Variants in SETDB2 observed in about 807,000 individuals in gnomAD.
SETDB2 encodes the protein histone-lysine N-methyltransferase SETDB2.
SETDB2 carries 56 observed loss-of-function variants against 82.5 expected under a neutral mutation model. The observed-to-expected ratio is 0.68, with a 90% CI of 0.55 to 0.85. The LOEUF (loss-of-function observed/expected upper bound fraction) is 0.85. Ranked by LOEUF, SETDB2 falls within the 40% of genes least tolerant of loss-of-function variation. The probability of loss-of-function intolerance (pLI) is 0.00; values close to 1 mark genes in which losing one functional copy is unlikely to be tolerated. For missense variants in SETDB2, 677 were observed against 816.4 expected (o/e 0.83, Z 2.08); for synonymous variants, 272 against 284.9 (o/e 0.95, Z 0.46).
chr13:49,450,494 T>C (rs1957765853), intron 1 of SETDB2, among the ~76,000 whole-genome samples: 2 of 152,350 alleles, frequency 1.3e-5, no homozygotes, highest in East Asian at 3.8e-4. Context: ...GTCTCTTTCA[T>C]AGTGTAGCCT....
At chr13:49,460,271 A>C (rs1406758958) in intron 3 of SETDB2, 39 bp downstream of exon 3, 1 of 1,589,884 alleles carries the variant, frequency 6.3e-7, no homozygotes, top group Admixed American at 1.8e-5. Flanking sequence ...TTTAATACTA[A>C]ATATTTCTCT....
At position 49,490,884 on chromosome 13, in the gene SETDB2, T is replaced by C; in HGVS notation, c.1980T>C (p.Phe660=). The change falls in exon 13 of 14, where the codon TTT becomes TTC. Residue 660 remains phenylalanine (F), a synonymous_variant. Coordinates refer to ENST00000611815, the MANE Select transcript of SETDB2 (RefSeq NM_001160308.3). The part of the protein sequence containing the change: ...NVFVETHNRN[F]PLVAFFTNRY... ...TTGTAGAAACACACAACAGGAATTT[T>C]CCATTGGTGGCATTCTTCACCAACA... The C allele has an allele frequency of 6.2e-7, 1 of 1,613,456 alleles. No individual in the cohort carries two copies. Among genetic ancestry groups the C allele is most frequent in the Non-Finnish European group, 8.5e-7 (1 of 1,179,580 alleles).
At position 49,480,985 on chromosome 13, in the gene SETDB2, A is replaced by T; in HGVS notation, c.1025A>T (p.Gln342Leu). ...ECSLLCKCNR[Q>L]LCQNRVVQHG... ...AGCCTTTTGTGCAAATGTAATCGAC[A>T]ATTGTGTCAAAACCGAGTTGTCCAA... is the stretch of plus-strand genomic sequence containing the variant. The change falls in exon 8 of 14, where the codon CAA (glutamine) becomes CTA (leucine). Residue 342 changes from glutamine (Q) to leucine (L), a missense_variant. Physicochemically the swap from Gln to Leu is moderately radical, Grantham distance 113 (BLOSUM62 -2). Around this residue, in one of 3 missense-constraint regions of SETDB2, gnomAD observed 420 missense variants for 554.6 expected, o/e 0.76. Transcript: ENST00000611815. 1 of 1,614,168 alleles carries T rather than the reference A, an allele frequency of 6.2e-7. No homozygotes were observed. Among genetic ancestry groups the T allele is most frequent in the African/African-American group, 1.3e-5 (1 of 75,060 alleles).
rs7327389 is a variant in SETDB2 at position 49,493,306 on chromosome 13, T to C, written c.*1457T>C. 108,758 of 151,790 alleles carry C rather than the reference T, an allele frequency of 0.72. 39,094 individuals are homozygous for C. The highest frequency in any genetic ancestry group is 0.82 in the East Asian group (4,214 of 5,164). 9.4% of individuals were successfully genotyped at this position (151,790 alleles called of 1,614,324 possible). A position where few individuals can be genotyped will look rare whatever the true frequency, so the allele number is the denominator to read the frequency against. ...ATGGGGGAAAAAAGCTTGATCAGTA[T>C]GGGAACCATTTTTGTGCAAAAGGGA... On this transcript the variant is annotated 3_prime_UTR_variant, in exon 14 of 14. Transcript: ENST00000611815.
At chr13:49,488,217 TTA>T in intron 11 of SETDB2, 71 bp from the exon 12 acceptor site, 1 of 1,502,468 alleles carries the variant, frequency 6.7e-7, no homozygotes, top group Non-Finnish European at 8.8e-7. Flanking sequence ...TAGCATCTAA[TTA>T]GTGTTGTTAA....
chr13:49,484,339 A>G (rs1391031243), intron 10 of SETDB2, among the ~76,000 whole-genome samples: 2 of 152,172 alleles, frequency 1.3e-5, no homozygotes, highest in African/African-American at 4.8e-5. Flanking sequence ...GCACGATCTC[A>G]GCTTATTGCA....
chr13:49,445,118 A>G (rs1957634917), intron 1 of SETDB2, among the ~76,000 whole-genome samples: 1 of 152,212 alleles, frequency 6.6e-6, no homozygotes, highest in Non-Finnish European at 1.5e-5. Flanking sequence ...CTCTGAAACC[A>G]TGCTGCCTGG....
At position 49,476,794 on chromosome 13, in the gene SETDB2, T is replaced by G; in HGVS notation, c.624T>G (p.Asp208Glu). 1 of 1,613,516 alleles carries G rather than the reference T, an allele frequency of 6.2e-7. No individual in the cohort carries two copies. Among genetic ancestry groups the G allele is most frequent in the South Asian group, 1.1e-5 (1 of 91,032 alleles). ...LETECNFLFT[D>E]NFSFNTYVQL... ...CAGAGTGTAACTTTTTATTTACAGA[T>G]AACTTTTCTTTCAATACCTATGTTC... Residue 208 changes from aspartate (D) to glutamate (E), a missense_variant, in exon 6 of 14, where the codon GAT (aspartate) becomes GAG (glutamate). By Grantham distance (45) the Asp-to-Glu change is conservative (BLOSUM62 2). Coordinates refer to ENST00000611815, the MANE Select transcript of SETDB2 (RefSeq NM_001160308.3).
At chr13:49,461,015 G>C (rs721457) in intron 3 of SETDB2, 82 bp from the exon 4 acceptor site, 562,607 of 1,048,648 alleles carry the variant, frequency 0.54, 153,078 homozygotes, top group Non-Finnish European at 0.56. Flanking sequence ...GATTAAATGA[G>C]ATAAAATATG....
Position 49,483,608 on chromosome 13 carries a change from AATTT to A in SETDB2, c.1482+46_1482+49del. On this transcript the variant is annotated intron_variant, in intron 10 of 13. Coordinates refer to ENST00000611815, the MANE Select transcript of SETDB2 (RefSeq NM_001160308.3). Reference sequence around the variant, plus strand: ...GTTGGGACCCTTCTTTTCTTTTTTAAATTTTTTTTTTTTTTTTTTTTTTTTTTTT... The same window carrying A: ...GTTGGGACCCTTCTTTTCTTTTTTAATTTTTTTTTTTTTTTTTTTTTTTTT... The A allele has an allele frequency of 1.0e-5, 5 of 490,650 alleles. No homozygotes were observed. In the South Asian group the frequency reaches 1.3e-4, roughly 13 times the overall value. The allele number at this position is 490,650 out of a possible 1,614,324, so 30.4% of individuals were successfully genotyped here. A position where few individuals can be genotyped will look rare whatever the true frequency, so the allele number is the denominator to read the frequency against.
At position 49,493,459 on chromosome 13, in the gene SETDB2, G is replaced by T. The variant is rs1482842339; in HGVS notation, c.*1610G>T. Reference sequence around the variant, plus strand: ...TCTCCTAAAATCTTGATTTGCTTTAGTCTGGACTGGTTCATAGCCATCATC... The same window carrying T: ...TCTCCTAAAATCTTGATTTGCTTTATTCTGGACTGGTTCATAGCCATCATC... On this transcript the variant is annotated 3_prime_UTR_variant, in exon 14 of 14. Coordinates refer to ENST00000611815, the MANE Select transcript of SETDB2 (RefSeq NM_001160308.3). 1 of 152,072 alleles carries T rather than the reference G, an allele frequency of 6.6e-6. No homozygotes were observed. Among genetic ancestry groups the T allele is most frequent in the Non-Finnish European group, 1.5e-5 (1 of 68,032 alleles). 9.4% of individuals were successfully genotyped at this position (152,072 alleles called of 1,614,324 possible). A position where few individuals can be genotyped will look rare whatever the true frequency, so the allele number is the denominator to read the frequency against.
intron 5 of SETDB2, among the ~76,000 whole-genome samples, chr13:49,473,156 C>T (rs1467243631): frequency 6.6e-6 from 1 of 152,096 alleles, no homozygotes; most frequent in Non-Finnish European, 1.5e-5. Context: ...TCACATATAT[C>T]CTGAATTAAT....
At chr13:49,460,896 G>T (rs1957979356) in intron 3 of SETDB2, among the ~76,000 whole-genome samples, 2 of 152,098 alleles carry the variant, frequency 1.3e-5, no homozygotes, top group Non-Finnish European at 2.9e-5. Flanking sequence ...TAATCCAGTT[G>T]TACTACTTCT....
chr13:49,482,715 C>T, intron 8 of SETDB2, 22 bp from the exon 9 acceptor site: 1 of 1,497,760 alleles, frequency 6.7e-7, no homozygotes, highest in Admixed American at 1.7e-5. Flanking sequence ...GTTGTTCAAA[C>T]TCTTTAACAT....
chr13:49,461,002 G>A lies in SETDB2; in HGVS notation c.143-95G>A, dbSNP rs970857979. The A allele has an allele frequency of 5.4e-6, 5 of 922,182 alleles. No homozygotes were observed. The African/African-American group carries it at 8.2e-5, about 15-fold the overall frequency. The allele number at this position is 922,182 out of a possible 1,614,324, so 57.1% of individuals were successfully genotyped here. ...CCTATTAACCTCTCAGAGGAATAGT[G>A]AAGATTAAATGAGATAAAATATGTA... On this transcript the variant is annotated intron_variant, in intron 3 of 13. Coordinates refer to ENST00000611815, the MANE Select transcript of SETDB2 (RefSeq NM_001160308.3).
chr13:49,489,546 T>G (rs1356316274), intron 12 of SETDB2, among the ~76,000 whole-genome samples: 6 of 150,530 alleles, frequency 4.0e-5, no homozygotes, highest in Non-Finnish European at 8.9e-5. Flanking sequence ...ACTGTGCTCC[T>G]GTTCCCATGC....
chr13:49,460,169 C>A lies in SETDB2; in HGVS notation c.79C>A (p.Gln27Lys), dbSNP rs1442319302. 2 of 1,613,222 alleles carry A rather than the reference C, an allele frequency of 1.2e-6. No homozygotes were observed. Reference protein sequence around the residue: ...DDGKVDFIFEQVQNVLQSLKQ... With the variant: ...DDGKVDFIFEKVQNVLQSLKQ... ...TGGAAAAGTGGACTTCATTTTTGAA[C>A]AAGTACAAAATGTGCTGCAGTCACT... Residue 27 changes from glutamine to lysine, a missense_variant, in exon 3 of 14, where the codon CAA (glutamine) becomes AAA (lysine). By Grantham distance (53) the Gln-to-Lys change is moderately conservative. This residue lies in a region of SETDB2 where 243 missense variants were observed against 237.2 expected (regional missense o/e 1.02). Transcript: ENST00000611815.
intron 9 of SETDB2, 141 bp from the exon 10 acceptor site, chr13:49,483,323 A>G: frequency 2.4e-6 from 1 of 410,444 alleles, no homozygotes; most frequent in Non-Finnish European, 4.4e-6. Context: ...CTCTAGGGAA[A>G]GGAATAAACA....
At chr13:49,466,955 C>A (rs777974486) in intron 4 of SETDB2, among the ~76,000 whole-genome samples, 18 of 151,862 alleles carry the variant, frequency 1.2e-4, no homozygotes, top group Non-Finnish European at 1.0e-4. Flanking sequence ...GTGCTTGGCT[C>A]AGCTATCAGA....
Sources: allele counts gnomAD v4.1 joint callset (sites outside exome capture counted in the v4.1 genomes callset), GRCh38; gene constraint gnomAD v4.1.1; regional missense constraint gnomAD v4.1.1; transcripts MANE v1.5; gene names NCBI Gene and HGNC (gene_info 2026-07-23, HGNC 2026-07-21).